Variants in FRMD4B observed in about 807,000 individuals in gnomAD.
FRMD4B encodes the protein FERM domain-containing protein 4B.
Under a neutral mutation model 141.5 loss-of-function variants are expected in FRMD4B, and 74 were observed. The observed-to-expected ratio is 0.52, with a 90% CI of 0.43 to 0.63. The LOEUF is 0.63. Ranked by LOEUF, FRMD4B falls within the 30% of genes least tolerant of loss-of-function variation. FRMD4B has a pLI of 0.00. For missense variants in FRMD4B, 1,366 were observed against 1,253.4 expected (o/e 1.09, Z -1.36); for synonymous variants, 506 against 467.9 (o/e 1.08, Z -1.05).
At chr3:69,520,270 T>C (rs1175890271) in intron 1 of FRMD4B, among the ~76,000 whole-genome samples, 1 of 94,000 alleles carries the variant, frequency 1.1e-5, no homozygotes, top group Non-Finnish European at 2.0e-5. Context: ...TATATATATA[T>C]GATGGAATAT....
chr3:69,529,848 T>C (rs1700986822), intron 1 of FRMD4B, among the ~76,000 whole-genome samples: 1 of 152,228 alleles, frequency 6.6e-6, no homozygotes, highest in South Asian at 2.1e-4. Flanking sequence ...GAGGTTAAGA[T>C]ACTTGCCTGA....
rs969827138 is a variant in FRMD4B at position 69,170,980 on chromosome 3, C to A, written c.*881G>T. ...ATACTTTCTGTATCATCTTAAAATG[C>A]TTTTTCAAACTCATAATTATAAAAA... On this transcript the variant is annotated 3_prime_UTR_variant, in exon 23 of 23. Coordinates refer to ENST00000398540, the MANE Select transcript of FRMD4B (RefSeq NM_015123.3). 1 of 151,914 alleles carries A rather than the reference C, an allele frequency of 6.6e-6. No individual in the cohort carries two copies. Among genetic ancestry groups the A allele is most frequent in the Admixed American group, 6.6e-5 (1 of 15,234 alleles). 9.4% of individuals were successfully genotyped at this position (151,914 alleles called of 1,614,324 possible). A position where few individuals can be genotyped will look rare whatever the true frequency, so the allele number is the denominator to read the frequency against.
At chr3:69,337,529 AT>A (rs756485364) in intron 1 of FRMD4B, among the ~76,000 whole-genome samples, 3 of 152,204 alleles carry the variant, frequency 2.0e-5, no homozygotes, top group Middle Eastern at 3.4e-3. Flanking sequence ...AACCTACAGA[AT>A]GGGAGAAAAT....
chr3:69,454,117 C>G (rs1243179465), intron 1 of FRMD4B, among the ~76,000 whole-genome samples: 1 of 152,174 alleles, frequency 6.6e-6, no homozygotes, highest in Non-Finnish European at 1.5e-5. Flanking sequence ...GCTGTATCCC[C>G]AGCGATAACA....
chr3:69,346,571 C>G (rs1702951379), intron 1 of FRMD4B, among the ~76,000 whole-genome samples: 3 of 152,090 alleles, frequency 2.0e-5, no homozygotes, highest in Non-Finnish European at 4.4e-5. Flanking sequence ...ATGTTAAGGG[C>G]AGCCAGAGAG....
At chr3:69,184,349 C>A (rs1232991360) in intron 19 of FRMD4B, among the ~76,000 whole-genome samples, 1 of 152,152 alleles carries the variant, frequency 6.6e-6, no homozygotes, top group Non-Finnish European at 1.5e-5. Context: ...ACTATATATT[C>A]TTTTTCAACG....
chr3:69,201,809 G>A (rs546854950), intron 11 of FRMD4B, among the ~76,000 whole-genome samples: 90 of 152,222 alleles, frequency 5.9e-4, no homozygotes, highest in Admixed American at 8.5e-4. Context: ...CCTGGCACAG[G>A]GCAGGCAGTT....
intron 1 of FRMD4B, among the ~76,000 whole-genome samples, chr3:69,540,660 T>TATATATACACACACAC (rs1241897477): frequency 3.7e-4 from 21 of 56,854 alleles, no homozygotes; most frequent in African/African-American, 2.1e-3. Flanking sequence ...TATATATATA[T>TATATATACACACACAC]ACACACACAC....
intron 1 of FRMD4B, among the ~76,000 whole-genome samples, chr3:69,490,546 A>G (rs1169643630): frequency 1.3e-5 from 2 of 152,104 alleles, no homozygotes; most frequent in Non-Finnish European, 1.5e-5. Context: ...CCTCCTTCTC[A>G]CCACTGAGGT....
At chr3:69,518,595 GAA>G (rs1700801671) in intron 1 of FRMD4B, among the ~76,000 whole-genome samples, 1 of 152,166 alleles carries the variant, frequency 6.6e-6, no homozygotes, top group Non-Finnish European at 1.5e-5. Context: ...TTGTAGCAGA[GAA>G]TGTAACACCT....
chr3:69,467,089 C>T lies in FRMD4B; in HGVS notation c.-128-34328G>A, dbSNP rs151241537. On this transcript the variant is annotated intron_variant, in intron 1 of 5. Coordinates refer to the FRMD4B transcript ENST00000459638. ...AGAAAGCCAGAACATGCTTATTTGT[C>T]TCCATCTCTCTCCCCCAGAGGTCCC... 9.9e-4 allele frequency among the ~76,000 whole-genome samples: 151 copies of T among 152,264 alleles called. 3 individuals are homozygous for T. In the East Asian group the frequency reaches 0.025, roughly 25 times the overall value.
intron 1 of FRMD4B, among the ~76,000 whole-genome samples, chr3:69,445,186 A>C (rs762223145): frequency 1.6e-4 from 24 of 152,236 alleles, no homozygotes; most frequent in Non-Finnish European, 2.9e-4. Context: ...GAAAAGGCTC[A>C]TAAAAAGAAG....
chr3:69,314,606 G>C (rs1213213556), intron 1 of FRMD4B, among the ~76,000 whole-genome samples: 3 of 143,354 alleles, frequency 2.1e-5, no homozygotes, highest in Admixed American at 7.0e-5. Context: ...GGGCCAATCA[G>C]GGTAGATCAC....
At chr3:69,438,193 C>A (rs948012952) in intron 1 of FRMD4B, among the ~76,000 whole-genome samples, 2 of 151,346 alleles carry the variant, frequency 1.3e-5, no homozygotes, top group African/African-American at 4.9e-5. Flanking sequence ...AGCCTCGAAC[C>A]TCTTGGCTCA....
intron 1 of FRMD4B, among the ~76,000 whole-genome samples, chr3:69,453,264 A>G (rs1705528424): frequency 6.6e-6 from 1 of 152,192 alleles, no homozygotes; most frequent in Non-Finnish European, 1.5e-5. Flanking sequence ...ACCTTATAGA[A>G]GCCTCTTGCA....
At chr3:69,223,063 A>G (rs1452088329) in intron 8 of FRMD4B, among the ~76,000 whole-genome samples, 1 of 152,200 alleles carries the variant, frequency 6.6e-6, no homozygotes, top group Non-Finnish European at 1.5e-5. Context: ...ATACTCTACT[A>G]TCACCATTTA....
At chr3:69,373,327 G>A (rs1441682098) in intron 1 of FRMD4B, among the ~76,000 whole-genome samples, 1 of 152,176 alleles carries the variant, frequency 6.6e-6, no homozygotes, top group East Asian at 1.9e-4. Flanking sequence ...TGTAGAAAAG[G>A]AAGAGGCTGA....
At chr3:69,428,063 A>C (rs1705115891) in intron 2 of FRMD4B, among the ~76,000 whole-genome samples, 1 of 152,110 alleles carries the variant, frequency 6.6e-6, no homozygotes, top group African/African-American at 2.4e-5. Context: ...TAGCTGTATC[A>C]GTGCACTCAA....
At chr3:69,376,695 T>C (rs1703979902) in intron 1 of FRMD4B, 1 of 131,948 alleles carries the variant, frequency 7.6e-6, no homozygotes, top group Admixed American at 8.6e-5. Flanking sequence ...TGTATGTACA[T>C]ATATACACAA....
Sources: gnomAD v4.1 joint callset for allele counts (sites outside exome capture counted in the v4.1 genomes callset) on GRCh38, gnomAD v4.1.1 for gene constraint, MANE v1.5 for transcripts, NCBI Gene and HGNC (gene_info 2026-07-23, HGNC 2026-07-21) for gene names.